The following WFDC3 variants were observed in gnomAD, a reference collection of about 807,000 sequenced individuals.
WFDC3 encodes the protein WAP four-disulfide core domain protein 3.
A neutral mutation model predicts 25.8 loss-of-function variants in WFDC3; 15 were observed. That is an observed-to-expected ratio of 0.58 (90% CI 0.39 to 0.89). The LOEUF (loss-of-function observed/expected upper bound fraction) is 0.89, where lower values mean the gene tolerates loss of function less well. Among genes scored for constraint, WFDC3 ranks in the 40% least tolerant of loss-of-function variants. The pLI, the probability that WFDC3 is intolerant of heterozygous loss-of-function variation, is 0.00. For missense variants in WFDC3, 264 were observed against 289.8 expected, an observed-to-expected ratio of 0.91 and a Z score of 0.65; for synonymous variants, 103 against 107.1, an observed-to-expected ratio of 0.96 and a Z score of 0.24.
chr20:45,781,085 CAAAAAAA>C (rs796825499), intron 4 of WFDC3, among the ~76,000 whole-genome samples: 2 of 106,372 alleles, frequency 1.9e-5, no homozygotes, highest in African/African-American at 8.5e-5. Flanking sequence ...ACTAAAAATA[CAAAAAAA>C]AAAAAAAAAA....
intron 5 of WFDC3, among the ~76,000 whole-genome samples, chr20:45,775,936 T>C (rs1220108275): frequency 6.6e-6 from 1 of 152,142 alleles, no homozygotes; most frequent in Non-Finnish European, 1.5e-5. Flanking sequence ...ATGCTCTGGA[T>C]TCATAGTGTC....
At chr20:45,786,418 G>T (rs1230849389) in intron 4 of WFDC3, among the ~76,000 whole-genome samples, 1 of 152,060 alleles carries the variant, frequency 6.6e-6, no homozygotes, top group Non-Finnish European at 1.5e-5. Flanking sequence ...ATAAAAGTGA[G>T]TTCTCCGCTT....
chr20:45,775,433 C>T lies in WFDC3; in HGVS notation c.663G>A (p.Arg221=), dbSNP rs756467805. 6.2e-7 allele frequency: 1 copy of T among 1,614,112 alleles called. No individual in the cohort carries two copies. ...TGTACTCACCTAATTCGGAATCAGA[C>T]CTCACAGTCCAGTTGGGGTTCATGG... ...KLTMNPNWTV[R]SDSELEIPVP is the part of the protein sequence containing the mutation. The change falls in exon 6 of 7, where the codon AGG becomes AGA. Residue 221 remains arginine, a synonymous_variant. Transcript: ENST00000243938.
In WFDC3 at chr20:45,774,350, C is replaced by A; in HGVS notation, c.*78G>T. On this transcript the variant is annotated 3_prime_UTR_variant, in exon 7 of 7. Coordinates refer to ENST00000243938, the MANE Select transcript of WFDC3 (RefSeq NM_080614.2). ...TGAGTGCCCCTGGAAATGTCACAAG[C>A]CCCAGGATGTCACCCTCTCTTGACT... is the stretch of plus-strand genomic sequence containing the variant. The A allele has an allele frequency of 6.3e-7, 1 of 1,598,952 alleles. No homozygotes were observed.
chr20:45,789,883 T>G lies in WFDC3; in HGVS notation c.82+11A>C. The G allele has an allele frequency of 1.2e-6, 2 of 1,612,802 alleles. No individual in the cohort carries two copies. Among genetic ancestry groups the G allele is most frequent in the Non-Finnish European group, 1.7e-6 (2 of 1,178,872 alleles). On this transcript the variant is annotated intron_variant, in intron 2 of 6. Transcript: ENST00000243938. ...GTTACTGTTGGCCAGGGATCCCAAA[T>G]GATAGCTCACCATGTTCTCCTGCAG...
At position 45,790,602 on chromosome 20, in the gene WFDC3, G is replaced by A. The variant is rs145180917; in HGVS notation, c.-7-620C>T. 2.0e-3 allele frequency among the ~76,000 whole-genome samples: 300 copies of A among 152,244 alleles called. 2 individuals are homozygous for A. The highest frequency in any genetic ancestry group is 7.0e-3 in the African/African-American group (289 of 41,562). ...CAGCTGGGCATGCTGGTGCATGCCT[G>A]TAATCCCAGCTACGTGGGAGGCTGA... On this transcript the variant is annotated intron_variant, in intron 1 of 6. Transcript: ENST00000243938.
intron 4 of WFDC3, among the ~76,000 whole-genome samples, chr20:45,786,370 A>G (rs550959659): frequency 2.0e-5 from 3 of 152,294 alleles, no homozygotes; most frequent in South Asian, 2.1e-4. Flanking sequence ...CTCCAGCCTG[A>G]GCAACAGAGC....
intron 6 of WFDC3, among the ~76,000 whole-genome samples, chr20:45,774,996 C>A (rs1252267238): frequency 6.6e-6 from 1 of 152,060 alleles, no homozygotes; most frequent in Non-Finnish European, 1.5e-5. Flanking sequence ...CCACCCTGCC[C>A]CCACTCCTCA....
At chr20:45,780,767 T>G (rs1302242684) in intron 4 of WFDC3, among the ~76,000 whole-genome samples, 2 of 152,304 alleles carry the variant, frequency 1.3e-5, no homozygotes, top group South Asian at 2.1e-4. Flanking sequence ...CAGTTGTTGT[T>G]GGAAAAGTAA....
chr20:45,787,694 C>CTTT, intron 4 of WFDC3, 142 bp downstream of exon 4: 1 of 1,155,286 alleles, frequency 8.7e-7, no homozygotes. Context: ...ATGATTATGG[C>CTTT]TTGTGCACCC....
Position 45,787,907 on chromosome 20 carries a change from G to A in WFDC3, c.287C>T (p.Pro96Leu). 6.2e-7 allele frequency: 1 copy of A among 1,614,060 alleles called. No individual in the cohort carries two copies. The highest frequency in any genetic ancestry group is 8.5e-7 in the Non-Finnish European group (1 of 1,180,008). ...LKRCITDETC[P>L]GVKKCCTLGC... ...AAGCGTGCAGCATTTCTTTACACCT[G>A]GACATGTCTCATCAGTGATGCACCT... The change falls in exon 4 of 7, where the codon CCA becomes CTA. Residue 96 changes from proline to leucine, a missense_variant. Pro to Leu is a moderately conservative substitution (Grantham distance 98). Coordinates refer to ENST00000243938, the MANE Select transcript of WFDC3 (RefSeq NM_080614.2).
intron 5 of WFDC3, 32 bp downstream of exon 5, chr20:45,777,043 T>G (rs374869947): frequency 6.2e-7 from 1 of 1,611,138 alleles, no homozygotes; most frequent in Non-Finnish European, 8.5e-7. Flanking sequence ...CAGGAAACAC[T>G]CAAGGATTTC....
At chr20:45,787,795 A>C in intron 4 of WFDC3, 41 bp downstream of exon 4, 1 of 1,566,224 alleles carries the variant, frequency 6.4e-7, no homozygotes, top group Non-Finnish European at 8.6e-7. Context: ...ATAAACAAGC[A>C]GACCAAACAG....
chr20:45,789,538 CCCT>C (rs1568701988), intron 2 of WFDC3, among the ~76,000 whole-genome samples: 1 of 151,914 alleles, frequency 6.6e-6, no homozygotes. Context: ...AACCACCTTC[CCCT>C]CCTCATACAC....
chr20:45,775,437 ACAGTC>A lies in WFDC3; in HGVS notation c.654_658del (p.Trp218CysfsTer4). 1 of 1,614,060 alleles carries A rather than the reference ACAGTC, an allele frequency of 6.2e-7. No individual in the cohort carries two copies. The highest frequency in any genetic ancestry group is 1.7e-5 in the Admixed American group (1 of 60,024). ...CTCACCTAATTCGGAATCAGACCTCACAGTCCAGTTGGGGTTCATGGTCAGTTTTG... is the reference window on the plus strand; with the variant it reads ...CTCACCTAATTCGGAATCAGACCTCACAGTTGGGGTTCATGGTCAGTTTTG... On this transcript the variant is annotated frameshift_variant, in exon 6 of 7. Coordinates refer to ENST00000243938, the MANE Select transcript of WFDC3 (RefSeq NM_080614.2). LOFTEE classifies it low-confidence loss of function (END_TRUNC).
intron 2 of WFDC3, 44 bp downstream of exon 2, chr20:45,789,850 C>A (rs780698346): frequency 1.3e-6 from 2 of 1,571,372 alleles, no homozygotes; most frequent in South Asian, 1.1e-5. Context: ...CTCCTCTAGT[C>A]ACTTTCTGTT....
chr20:45,777,659 G>C (rs1980255371), intron 4 of WFDC3, among the ~76,000 whole-genome samples: 1 of 152,106 alleles, frequency 6.6e-6, no homozygotes, highest in African/African-American at 2.4e-5. Context: ...CCTGGGACTA[G>C]AGGCACAAGC....
intron 5 of WFDC3, among the ~76,000 whole-genome samples, chr20:45,776,660 A>ATGTGTGTG (rs1555812785): frequency 2.1e-5 from 2 of 93,316 alleles, no homozygotes; most frequent in African/African-American, 4.4e-5. Context: ...ATATATATAT[A>ATGTGTGTG]TGTGTGTGTG....
At chr20:45,783,972 A>C (rs1271013595) in intron 4 of WFDC3, among the ~76,000 whole-genome samples, 1 of 152,204 alleles carries the variant, frequency 6.6e-6, no homozygotes, top group Non-Finnish European at 1.5e-5. Context: ...GCTCTGGGAC[A>C]TCTGCGGGAG....
Sources: allele counts gnomAD v4.1 joint callset (sites outside exome capture counted in the v4.1 genomes callset), GRCh38; gene constraint gnomAD v4.1.1; transcripts MANE v1.5; gene names NCBI Gene and HGNC (gene_info 2026-07-23, HGNC 2026-07-21).